The following ZNF618 variants were observed in gnomAD, a reference collection of about 807,000 sequenced individuals.
ZNF618 encodes zinc finger protein 618, also known as neural precursor cell expressed, developmentally down-regulated 10.
In ZNF618, 34 loss-of-function variants were observed where a neutral mutation model predicts 103.0. That is an observed-to-expected ratio of 0.33 (90% CI 0.25 to 0.44). The LOEUF (loss-of-function observed/expected upper bound fraction) is 0.44. Among genes scored for constraint, ZNF618 ranks in the 20% least tolerant of loss-of-function variants. The pLI, the probability that ZNF618 is intolerant of heterozygous loss-of-function variation, is 1.00. For missense variants in ZNF618, 1,059 were observed against 1,295.4 expected (o/e 0.82, Z 2.80); for synonymous variants, 551 against 542.2 (o/e 1.02, Z -0.23).
rs571320574 is a variant in ZNF618 at position 114,021,839 on chromosome 9, A to G, written c.844+5055A>G. 1.1e-3 allele frequency among the ~76,000 whole-genome samples: 163 copies of G among 152,190 alleles called. 2 individuals are homozygous for G. Among genetic ancestry groups the G allele is most frequent in the South Asian group, 5.2e-3 (25 of 4,826 alleles). On this transcript the variant is annotated intron_variant, in intron 10 of 14. Transcript: ENST00000374126. Reference sequence around the variant, plus strand: ...GGAATCTTACAGTATGTAAGTATATATTTTTGAAGGGAGAGGTCTGGCTTC... The same window carrying G: ...GGAATCTTACAGTATGTAAGTATATGTTTTTGAAGGGAGAGGTCTGGCTTC...
intron 4 of ZNF618, 47 bp from the exon 5 acceptor site, chr9:114,001,949 T>C (rs764388671): frequency 6.5e-7 from 1 of 1,531,268 alleles, no homozygotes; most frequent in Non-Finnish European, 9.1e-7. Flanking sequence ...TGGGACCTTG[T>C]GGTCACAGAG....
chr9:113,946,398 CAAA>C (rs58064458), intron 1 of ZNF618, among the ~76,000 whole-genome samples: 26 of 114,828 alleles, frequency 2.3e-4, no homozygotes, highest in Non-Finnish European at 1.7e-4. Flanking sequence ...GGGAAGTCTT[CAAA>C]AAAAAAAAAA....
In ZNF618 at chr9:114,054,198, C is replaced by T. The variant is rs941693378; in HGVS notation, c.*4031C>T. ...ATTTGAGCAAGGCCACCTGCTTCCCCTGGACTTGAGCTGGACTCCTTGAAG... is the reference window on the plus strand; with the variant it reads ...ATTTGAGCAAGGCCACCTGCTTCCCTTGGACTTGAGCTGGACTCCTTGAAG... On this transcript the variant is annotated 3_prime_UTR_variant, in exon 15 of 15. Transcript: ENST00000374126. 1.3e-5 allele frequency: 2 copies of T among 152,560 alleles called. No individual in the cohort carries two copies. The highest frequency in any genetic ancestry group is 2.9e-5 in the Non-Finnish European group (2 of 68,046). The allele number at this position is 152,560 out of a possible 1,614,324, so 9.5% of individuals were successfully genotyped here.
rs551498202 is a variant in ZNF618, at chr9:114,000,921, C to A, written c.434-1075C>A. 5.9e-5 allele frequency among the ~76,000 whole-genome samples: 9 copies of A among 152,346 alleles called. No individual in the cohort carries two copies. In the South Asian group the frequency reaches 1.9e-3, roughly 32 times the overall value. ...CCCAGATGCTGGGCACCAGAATTCC[C>A]TGGGGACCTTGGAATAGGCAGGTCT... On this transcript the variant is annotated intron_variant, in intron 4 of 14. Coordinates refer to ENST00000374126, the MANE Select transcript of ZNF618 (RefSeq NM_001318042.2).
At chr9:113,912,069 A>T (rs1831602879) in intron 1 of ZNF618, among the ~76,000 whole-genome samples, 1 of 152,162 alleles carries the variant, frequency 6.6e-6, no homozygotes, top group South Asian at 2.1e-4. Context: ...TTCATTTCTA[A>T]TAAGCTCTCA....
intron 1 of ZNF618, among the ~76,000 whole-genome samples, chr9:113,894,965 A>T (rs970776537): frequency 6.6e-6 from 1 of 152,114 alleles, no homozygotes. Flanking sequence ...GACCTCCTGG[A>T]ACAATTTGAA....
intron 4 of ZNF618, among the ~76,000 whole-genome samples, chr9:114,000,771 C>CT (rs1841118559): frequency 6.6e-6 from 1 of 152,180 alleles, no homozygotes; most frequent in South Asian, 2.1e-4. Context: ...TGGGAACACT[C>CT]TTCATGCAAA....
At chr9:114,001,346 G>T (rs1841186202) in intron 4 of ZNF618, among the ~76,000 whole-genome samples, 1 of 152,166 alleles carries the variant, frequency 6.6e-6, no homozygotes, top group Non-Finnish European at 1.5e-5. Context: ...CTCCTCAGCA[G>T]GTGTGGGGGG....
intron 9 of ZNF618, among the ~76,000 whole-genome samples, chr9:114,013,790 A>G: frequency 6.6e-6 from 1 of 152,182 alleles, no homozygotes; most frequent in East Asian, 1.9e-4. Context: ...AAAGTAGGTT[A>G]AGCCTTCCTA....
intron 1 of ZNF618, among the ~76,000 whole-genome samples, chr9:113,940,024 A>T: frequency 6.7e-6 from 1 of 149,798 alleles, no homozygotes. Flanking sequence ...TTCTCAGTTC[A>T]TTTCTTTTTT....
At chr9:113,981,492 G>A (rs1215006130) in intron 2 of ZNF618, among the ~76,000 whole-genome samples, 3 of 152,210 alleles carry the variant, frequency 2.0e-5, no homozygotes, top group Non-Finnish European at 2.9e-5. Flanking sequence ...AGCAGAAATA[G>A]GACTGAAGGC....
chr9:114,008,097 T>C (rs1841912563), intron 7 of ZNF618, among the ~76,000 whole-genome samples: 1 of 152,302 alleles, frequency 6.6e-6, no homozygotes, highest in South Asian at 2.1e-4. Flanking sequence ...GCCTGTACCA[T>C]GGATGGGTGC....
intron 9 of ZNF618, chr9:114,016,246 G>C: frequency 7.2e-7 from 1 of 1,394,670 alleles, no homozygotes; most frequent in Non-Finnish European, 1.0e-6. Context: ...GTGCTTGGGG[G>C]CAGGGAAGGT....
At chr9:113,951,516 T>TATATGTACACATATGTGTGTAC (rs1173742824) in intron 1 of ZNF618, among the ~76,000 whole-genome samples, 9 of 83,274 alleles carry the variant, frequency 1.1e-4, no homozygotes, top group Admixed American at 3.0e-4. Flanking sequence ...TATATGTGTG[T>TATATGTACACATATGTGTGTAC]ATATGTACAC....
At chr9:114,042,230 C>A (rs1394502984) in intron 13 of ZNF618, among the ~76,000 whole-genome samples, 1 of 152,206 alleles carries the variant, frequency 6.6e-6, no homozygotes, top group East Asian at 1.9e-4. Flanking sequence ...ATCGCTGTTA[C>A]CAACTTAATA....
intron 1 of ZNF618, among the ~76,000 whole-genome samples, chr9:113,940,823 CTT>C (rs1470571110): frequency 6.6e-6 from 1 of 152,126 alleles, no homozygotes; most frequent in Non-Finnish European, 1.5e-5. Context: ...CTTTCTGACT[CTT>C]TTTGTTTTAG....
At chr9:113,979,912 G>T (rs116632643) in intron 2 of ZNF618, among the ~76,000 whole-genome samples, 1 of 152,206 alleles carries the variant, frequency 6.6e-6, no homozygotes, top group Non-Finnish European at 1.5e-5. Context: ...GCTCTGTCCA[G>T]TGTGGATTCC....
chr9:113,940,630 G>T (rs189859478), intron 1 of ZNF618, among the ~76,000 whole-genome samples: 1 of 151,818 alleles, frequency 6.6e-6, no homozygotes, highest in African/African-American at 2.4e-5. Flanking sequence ...TTTTTACCAC[G>T]TCTGCTTTTT....
Position 114,028,926 on chromosome 9 carries a change from G to A in ZNF618, c.1038G>A (p.Thr346=), listed in dbSNP as rs1253575203. ...HRTPPATQTQ[T]FRTPNSGSPA... Reference sequence around the variant, plus strand: ...CCCCTCCAGCCACCCAAACCCAGACGTTCCGCACTCCAAATTCGGGATCTC... The same window carrying A: ...CCCCTCCAGCCACCCAAACCCAGACATTCCGCACTCCAAATTCGGGATCTC... Residue 346 remains threonine (T), a synonymous_variant, in exon 11 of 15, where the codon ACG becomes ACA. Transcript: ENST00000374126. 2.1e-5 allele frequency: 32 copies of A among 1,550,650 alleles called. No homozygotes were observed. Among genetic ancestry groups the A allele is most frequent in the Admixed American group, 5.9e-5 (3 of 50,988 alleles).
Sources: allele counts gnomAD v4.1 joint callset (sites outside exome capture counted in the v4.1 genomes callset), GRCh38; gene constraint gnomAD v4.1.1; transcripts MANE v1.5; gene names NCBI Gene and HGNC (gene_info 2026-07-23, HGNC 2026-07-21).